KIN: variants seen among roughly 807,000 people sequenced by gnomAD.
KIN encodes DNA/RNA-binding protein KIN17.
A neutral mutation model predicts 63.0 loss-of-function variants in KIN; 47 were observed. That is an observed-to-expected ratio of 0.75 (90% CI 0.59 to 0.95). The LOEUF is 0.95. Ranked by LOEUF, KIN falls within the 40% of genes least tolerant of loss-of-function variation. The pLI, the probability that KIN is intolerant of heterozygous loss-of-function variation, is 0.00. For missense variants in KIN, 408 were observed against 460.9 expected (o/e 0.89, Z 1.05); for synonymous variants, 160 against 157.7 (o/e 1.01, Z -0.11).
chr10:7,781,734 C>T (rs912934532), intron 2 of KIN, among the ~76,000 whole-genome samples: 3 of 67,986 alleles, frequency 4.4e-5, no homozygotes, highest in Non-Finnish European at 7.8e-5. Flanking sequence ...GACTATGCCA[C>T]AAAACAAGAC....
chr10:7,758,378 C>T (rs1303283725), intron 12 of KIN, among the ~76,000 whole-genome samples: 3 of 152,072 alleles, frequency 2.0e-5, no homozygotes, highest in Non-Finnish European at 1.5e-5. Context: ...CTGGTAGATT[C>T]CCTCTTCTAA....
chr10:7,763,205 G>A (rs1461813833), intron 10 of KIN, among the ~76,000 whole-genome samples: 1 of 152,156 alleles, frequency 6.6e-6, no homozygotes, highest in Non-Finnish European at 1.5e-5. Context: ...GCAATGAGCT[G>A]AGATCGCACC....
intron 8 of KIN, among the ~76,000 whole-genome samples, chr10:7,766,550 C>T (rs1835547085): frequency 6.6e-6 from 1 of 151,806 alleles, no homozygotes; most frequent in East Asian, 1.9e-4. Flanking sequence ...CAGTAAAGCT[C>T]ATGAATGAAA....
In KIN at chr10:7,787,891, T is replaced by C. The variant is rs1254313203; in HGVS notation, c.43A>G (p.Arg15Gly). Residue 15 changes from arginine (R) to glycine (G), a missense_variant, in exon 1 of 13, where the codon AGG (arginine) becomes GGG (glycine). By Grantham distance (125) the Arg-to-Gly change is moderately radical. Coordinates refer to ENST00000379562, the MANE Select transcript of KIN (RefSeq NM_012311.4). ...TTCTGCAGCCCCTTGGACTTGATCC[T>C]GTTGGCGATAGCCTTGGGAGTAAGA... The part of the protein sequence containing the change: ...DFLTPKAIAN[R>G]IKSKGLQKLR... The C allele has an allele frequency of 4.3e-6, 7 of 1,614,210 alleles. No homozygotes were observed. Among genetic ancestry groups the C allele is most frequent in the Non-Finnish European group, 5.9e-6 (7 of 1,180,000 alleles).
At chr10:7,767,210 C>T (rs1164330838) in intron 8 of KIN, among the ~76,000 whole-genome samples, 1 of 152,036 alleles carries the variant, frequency 6.6e-6, no homozygotes, top group Non-Finnish European at 1.5e-5. Flanking sequence ...GGCTCTCTGA[C>T]CTCATACGCC....
At chr10:7,765,922 A>G (rs895374201) in intron 9 of KIN, 131 bp downstream of exon 9, 4 of 549,986 alleles carry the variant, frequency 7.3e-6, no homozygotes, top group African/African-American at 3.9e-5. Flanking sequence ...AAAAGTCATT[A>G]TAAGTTATAA....
At chr10:7,786,309 T>C (rs1836004985) in intron 1 of KIN, among the ~76,000 whole-genome samples, 1 of 152,254 alleles carries the variant, frequency 6.6e-6, no homozygotes, top group South Asian at 2.1e-4. Context: ...ACTATGGTTA[T>C]ATAGAAAAGT....
Position 7,779,033 on chromosome 10 carries a change from C to G in KIN, c.377-14G>C, listed in dbSNP as rs754151529. The G allele has an allele frequency of 1.2e-6, 2 of 1,600,140 alleles. No individual in the cohort carries two copies. The highest frequency in any genetic ancestry group is 1.7e-6 in the Non-Finnish European group (2 of 1,175,168). Reference sequence around the variant, plus strand: ...CTTTGCACAAGCCTTAAAAAAACAGCCACTGCCATAAATTAGCATACAATC... The same window carrying G: ...CTTTGCACAAGCCTTAAAAAAACAGGCACTGCCATAAATTAGCATACAATC... On this transcript the variant is annotated splice_polypyrimidine_tract_variant and intron_variant, in intron 4 of 12. Transcript: ENST00000379562.
chr10:7,766,070 C>T lies in KIN; in HGVS notation c.832G>A (p.Asp278Asn), dbSNP rs1304281475. Residue 278 changes from aspartate (D) to asparagine (N), a missense_variant, in exon 9 of 13, where the codon GAC (aspartate) becomes AAC (asparagine). Asp to Asn is a conservative substitution (Grantham distance 23, BLOSUM62 1). Around this residue, in one of 2 missense-constraint regions of KIN, gnomAD observed 298 missense variants for 296.0 expected, o/e 1.01. Coordinates refer to ENST00000379562, the MANE Select transcript of KIN (RefSeq NM_012311.4). ...EEEKKRTART[D>N]YWLQPEIIVK... ...ATACTTACAGGCTGTAGCCAGTAGT[C>T]TGTTCGGGCAGTTCTTTTCTTTTCC... 1 of 1,611,452 alleles carries T rather than the reference C, an allele frequency of 6.2e-7. No homozygotes were observed. Among genetic ancestry groups the T allele is most frequent in the South Asian group, 1.1e-5 (1 of 90,734 alleles).
At chr10:7,775,683 G>A (rs1048320350) in intron 6 of KIN, 68 bp downstream of exon 6, 8 of 768,422 alleles carry the variant, frequency 1.0e-5, no homozygotes, top group Admixed American at 2.9e-5. Context: ...TTGACAAGTT[G>A]CATTTTTAAC....
chr10:7,770,679 C>T (rs563689429), intron 7 of KIN, among the ~76,000 whole-genome samples: 47 of 152,246 alleles, frequency 3.1e-4, no homozygotes, highest in African/African-American at 1.1e-3. Flanking sequence ...ATGACTTTTA[C>T]CCATCTAATT....
Position 7,774,887 on chromosome 10 carries a change from C to T in KIN, c.612G>A (p.Thr204=), listed in dbSNP as rs769002489. 35 of 1,610,682 alleles carry T rather than the reference C, an allele frequency of 2.2e-5. No homozygotes were observed. The highest frequency in any genetic ancestry group is 3.3e-5 in the Admixed American group (2 of 59,848). The change falls in exon 7 of 13, where the codon ACG becomes ACA. Residue 204 remains threonine (T), a synonymous_variant. Transcript: ENST00000379562. ...LSRENDEEKV[T]FNLSKGACSS... Reference sequence around the variant, plus strand: ...TACATGCTCCTTTACTCAAATTAAACGTGACTAGAAGAAAAAAATGTTATT... The same window carrying T: ...TACATGCTCCTTTACTCAAATTAAATGTGACTAGAAGAAAAAAATGTTATT...
rs948963088 is a variant in KIN, at chr10:7,755,316, A to G, written c.*764T>C. On this transcript the variant is annotated 3_prime_UTR_variant, in exon 13 of 13. Transcript: ENST00000379562. ...CAGTGGAATATTAAGCAGCCATAAA[A>G]ACAAATGAAGCACGCCTACATGCTA... 1 of 152,244 alleles carries G rather than the reference A, an allele frequency of 6.6e-6. No homozygotes were observed. Among genetic ancestry groups the G allele is most frequent in the Non-Finnish European group, 1.5e-5 (1 of 68,042 alleles). The allele number at this position is 152,244 out of a possible 1,614,324, so 9.4% of individuals were successfully genotyped here.
intron 11 of KIN, 28 bp from the exon 12 acceptor site, chr10:7,760,018 A>T (rs538506214): frequency 1.9e-6 from 2 of 1,052,232 alleles, no homozygotes; most frequent in African/African-American, 3.3e-5. Context: ...ATAAAAATTA[A>T]TGTGAAGAAA....
chr10:7,775,982 A>G (rs900962963), intron 5 of KIN, among the ~76,000 whole-genome samples, 183 bp from the exon 6 acceptor site: 1 of 152,080 alleles, frequency 6.6e-6, no homozygotes, highest in Non-Finnish European at 1.5e-5. Context: ...TAATCCCAGC[A>G]CTTTGGGAGG....
intron 5 of KIN, 31 bp from the exon 6 acceptor site, chr10:7,775,830 G>A (rs1365398375): frequency 1.4e-6 from 2 of 1,407,324 alleles, no homozygotes; most frequent in South Asian, 1.3e-5. Context: ...AGGTTTTGGT[G>A]TACATTGCAC....
At chr10:7,782,363 A>G (rs893264493) in intron 2 of KIN, among the ~76,000 whole-genome samples, 9 of 151,902 alleles carry the variant, frequency 5.9e-5, no homozygotes, top group Non-Finnish European at 1.0e-4. Flanking sequence ...TCTATGAAGG[A>G]TCAGCAATAC....
intron 7 of KIN, among the ~76,000 whole-genome samples, chr10:7,773,424 T>C (rs1447268926): frequency 4.6e-5 from 7 of 152,194 alleles, no homozygotes; most frequent in African/African-American, 1.7e-4. Context: ...CAGAAATGCA[T>C]AAAGTTCTAA....
At position 7,780,321 on chromosome 10, in the gene KIN, A is replaced by G; in HGVS notation, c.210-14T>C. The G allele has an allele frequency of 6.3e-7, 1 of 1,593,366 alleles. No homozygotes were observed. ...TTTCGGAATTCCCTAATAAAGAAAG[A>G]AAGGAAAGCATTAAGGTAATTTCTA... On this transcript the variant is annotated splice_polypyrimidine_tract_variant and intron_variant, in intron 2 of 12. Transcript: ENST00000379562.
Sources: gnomAD v4.1 joint callset for allele counts (sites outside exome capture counted in the v4.1 genomes callset) on GRCh38, gnomAD v4.1.1 for gene constraint, gnomAD v4.1.1 regional missense constraint, MANE v1.5 for transcripts, NCBI Gene and HGNC (gene_info 2026-07-23, HGNC 2026-07-21) for gene names.